The following ADGRG5 variants were observed in gnomAD, a reference collection of about 807,000 sequenced individuals.
ADGRG5 encodes G protein-coupled receptor 114.
A neutral mutation model predicts 53.2 loss-of-function variants in ADGRG5; 37 were observed. The ratio of observed to expected loss-of-function variants is 0.70; its 90% CI spans 0.53 to 0.91. ADGRG5 has a LOEUF of 0.91. Among genes scored for constraint, ADGRG5 ranks in the 40% least tolerant of loss-of-function variants. The pLI, the probability that ADGRG5 is intolerant of heterozygous loss-of-function variation, is 0.00. For missense variants in ADGRG5, 614 were observed against 675.8 expected (o/e 0.91, Z 1.01); for synonymous variants, 277 against 290.4 (o/e 0.95, Z 0.47).
intron 5 of ADGRG5, among the ~76,000 whole-genome samples, 167 bp from the exon 6 acceptor site, chr16:57,564,867 A>AAGGCTGGGAGGCTGGGAAGGCTGGG (rs1555522633): frequency 2.0e-5 from 3 of 151,088 alleles, no homozygotes; most frequent in Non-Finnish European, 3.0e-5. Flanking sequence ...AGCACATGCA[A>AAGGCTGGGAGGCTGGGAAGGCTGGG]AGGCTGGGAG....
Position 57,576,324 on chromosome 16 carries a change from C to T in ADGRG5, c.*786C>T, listed in dbSNP as rs1405373438. 3.3e-5 allele frequency: 5 copies of T among 152,238 alleles called. No individual in the cohort carries two copies. Among genetic ancestry groups the T allele is most frequent in the Non-Finnish European group, 5.9e-5 (4 of 68,062 alleles). The allele number at this position is 152,238 out of a possible 1,614,324, so 9.4% of individuals were successfully genotyped here. ...TAGACCATCTGGACCAGTAGCCCAT[C>T]CCGCAGTTTTCTTGGGGGCAGAGGA... On this transcript the variant is annotated 3_prime_UTR_variant, in exon 12 of 12. Coordinates refer to ENST00000349457, the MANE Select transcript of ADGRG5 (RefSeq NM_001304376.3).
At chr16:57,554,670 T>C (rs570927233) in intron 1 of ADGRG5, among the ~76,000 whole-genome samples, 66 of 152,248 alleles carry the variant, frequency 4.3e-4, no homozygotes, top group South Asian at 1.2e-3. Flanking sequence ...GCCACCACGC[T>C]CGGCCATAAT....
In ADGRG5 at chr16:57,575,496, G is replaced by A. The variant is rs775709461; in HGVS notation, c.1545G>A (p.Lys515=). Residue 515 remains lysine, a synonymous_variant, in exon 12 of 12, where the codon AAG becomes AAA. Transcript: ENST00000349457. ...GGTGCCGCTCAGAAGCAGAGGCCAAGGCACAGATAGAGGCCTTCAGCTCCT... is the reference window on the plus strand; with the variant it reads ...GGTGCCGCTCAGAAGCAGAGGCCAAAGCACAGATAGAGGCCTTCAGCTCCT... ...SQRCRSEAEA[K]AQIEAFSSSQ... The A allele has an allele frequency of 8.7e-5, 141 of 1,614,098 alleles. No homozygotes were observed. The highest frequency in any genetic ancestry group is 1.1e-4 in the Non-Finnish European group (128 of 1,180,018).
In ADGRG5 at chr16:57,564,101, G is replaced by T. The variant is rs140680284; in HGVS notation, c.429+122G>T. The stretch of plus-strand genomic sequence containing the variant: ...ACTGAGTGAGACCAACCAGCCATCT[G>T]TGCAATCCAAGCCAGCAATTGTCCC... On this transcript the variant is annotated intron_variant, in intron 5 of 11. Coordinates refer to ENST00000349457, the MANE Select transcript of ADGRG5 (RefSeq NM_001304376.3). The T allele has an allele frequency of 2.1e-5, 23 of 1,095,802 alleles. No individual in the cohort carries two copies. In the Admixed American group the frequency reaches 5.0e-4, roughly 24 times the overall value. 67.9% of individuals were successfully genotyped at this position (1,095,802 alleles called of 1,614,324 possible).
At chr16:57,529,279 G>T in the ADGRG5 span, 2 of 1,117,934 alleles carry the variant, frequency 1.8e-6, no homozygotes, top group South Asian at 4.4e-5. This position sits in a 1 kb window ranked among gnomAD's most constrained non-coding sequence, Gnocchi z 4.1. Context: ...ATGACGCCGT[G>T]CCCCGCTTCC....
chr16:57,559,680 G>A lies in ADGRG5; in HGVS notation c.-38-2376G>A, dbSNP rs557556107. On this transcript the variant is annotated intron_variant, in intron 1 of 11. Transcript: ENST00000349457. Reference sequence around the variant, plus strand: ...ATGTGTTTCATCCATCAAAGATAATGTGTTCTAGTTACCTCCAGAAACCAG... The same window carrying A: ...ATGTGTTTCATCCATCAAAGATAATATGTTCTAGTTACCTCCAGAAACCAG... Among the ~76,000 whole-genome samples, 20 of 152,042 alleles carry A rather than the reference G, an allele frequency of 1.3e-4. No individual in the cohort carries two copies. The South Asian group carries it at 2.3e-3, about 17-fold the overall frequency.
chr16:57,543,969 G>T (rs2032555956), intron 1 of ADGRG5, among the ~76,000 whole-genome samples: 1 of 152,202 alleles, frequency 6.6e-6, no homozygotes, highest in Admixed American at 6.5e-5. Flanking sequence ...TGCCTGCCCA[G>T]TGTCACACAG....
At chr16:57,562,967 T>A in intron 3 of ADGRG5, 124 bp from the exon 4 acceptor site, 1 of 834,038 alleles carries the variant, frequency 1.2e-6, no homozygotes. Flanking sequence ...TGTGCAGTGG[T>A]CTGGAGGTGC....
intron 10 of ADGRG5, among the ~76,000 whole-genome samples, chr16:57,573,184 G>A (rs2033408617): frequency 6.6e-6 from 1 of 152,098 alleles, no homozygotes; most frequent in African/African-American, 2.4e-5. Flanking sequence ...GTAATCCCAG[G>A]ACTTTGGAAG....
At chr16:57,572,641 G>A (rs762460333) in intron 10 of ADGRG5, among the ~76,000 whole-genome samples, 12 of 152,180 alleles carry the variant, frequency 7.9e-5, no homozygotes, top group African/African-American at 2.2e-4. Context: ...GCAGTGAGCC[G>A]AGATTGCGGC....
chr16:57,572,338 G>A (rs529476497), intron 10 of ADGRG5, among the ~76,000 whole-genome samples: 1 of 152,224 alleles, frequency 6.6e-6, no homozygotes, highest in East Asian at 1.9e-4. Flanking sequence ...AGCTGGGCGT[G>A]GTGGCAGGCA....
chr16:57,531,001 G>C, the ADGRG5 span, among the ~76,000 whole-genome samples: 1 of 151,534 alleles, frequency 6.6e-6, no homozygotes, highest in East Asian at 2.0e-4. Flanking sequence ...CCAGCTGCTC[G>C]TCAGCCTCCC....
chr16:57,556,899 T>C (rs12598786), intron 1 of ADGRG5, among the ~76,000 whole-genome samples: 59,529 of 146,420 alleles, frequency 0.41, 12,979 homozygotes, highest in East Asian at 0.7. Context: ...GTTCTTATTT[T>C]GCCTTCTTCT....
the ADGRG5 span, among the ~76,000 whole-genome samples, chr16:57,537,626 A>G: frequency 2.6e-5 from 4 of 152,126 alleles, no homozygotes; most frequent in Non-Finnish European, 5.9e-5. Flanking sequence ...CTCAAACTCA[A>G]GGATCACTCT....
Position 57,563,880 on chromosome 16 carries a change from C to A in ADGRG5, c.330C>A (p.Ala110=). ...AGGQHARGQH[A]MQFPAELTRD... ...GTCAGCATGCCCGGGGTCAGCACGC[C>A]ATGCAGTTCCCCGCCGAGCTGACCC... Residue 110 remains alanine (A), a synonymous_variant, in exon 5 of 12, where the codon GCC becomes GCA. Transcript: ENST00000349457. 3 of 1,614,036 alleles carry A rather than the reference C, an allele frequency of 1.9e-6. No homozygotes were observed. Among genetic ancestry groups the A allele is most frequent in the Admixed American group, 3.3e-5 (2 of 60,022 alleles).
chr16:57,529,094 C>A, the ADGRG5 span: 1 of 1,175,138 alleles, frequency 8.5e-7, no homozygotes, highest in East Asian at 3.8e-5. The surrounding 1 kb of genome is among the most constrained non-coding windows in gnomAD (Gnocchi z 4.1). Context: ...TGCGCTCCGG[C>A]GACGGGCTGC....
At chr16:57,554,779 T>G (rs1333185246) in intron 1 of ADGRG5, among the ~76,000 whole-genome samples, 2 of 152,216 alleles carry the variant, frequency 1.3e-5, no homozygotes, top group Non-Finnish European at 2.9e-5. Context: ...CTTGAAATCC[T>G]TCATCTTTCC....
intron 1 of ADGRG5, among the ~76,000 whole-genome samples, chr16:57,559,904 A>G (rs1177757690): frequency 1.3e-5 from 2 of 152,216 alleles, no homozygotes; most frequent in African/African-American, 4.8e-5. Flanking sequence ...TATTATGACT[A>G]TATGCATTAC....
intron 3 of ADGRG5, 143 bp downstream of exon 3, chr16:57,562,602 C>A (rs2033030651): frequency 3.3e-6 from 2 of 608,990 alleles, no homozygotes; most frequent in Non-Finnish European, 5.8e-6. Context: ...TCTGGGGATG[C>A]AGGATGGGCA....
Sources: allele counts gnomAD v4.1 joint callset (sites outside exome capture counted in the v4.1 genomes callset), GRCh38; gene constraint gnomAD v4.1.1; non-coding constraint Gnocchi (gnomAD v3.1); transcripts MANE v1.5; gene names NCBI Gene and HGNC (gene_info 2026-07-23, HGNC 2026-07-21).